Variants in HGF observed in about 807,000 individuals in gnomAD.
HGF encodes the protein hepatocyte growth factor.
Under a neutral mutation model 111.6 loss-of-function variants are expected in HGF, and 39 were observed. That is an observed-to-expected ratio of 0.35 (90% CI 0.27 to 0.46). HGF has a LOEUF of 0.46. Among genes scored for constraint, HGF ranks in the 20% least tolerant of loss-of-function variants. The pLI, the probability that HGF is intolerant of heterozygous loss-of-function variation, is 1.00. For missense variants in HGF, 735 were observed against 910.5 expected (o/e 0.81, Z 2.48); for synonymous variants, 285 against 294.8 (o/e 0.97, Z 0.34).
intron 13 of HGF, 43 bp downstream of exon 13, chr7:81,710,104 T>C (rs1230393143): frequency 7.7e-7 from 1 of 1,293,484 alleles, no homozygotes. Context: ...GACTCTCTTG[T>C]ACATATTCTG....
At chr7:81,734,910 T>C (rs1192850563) in intron 7 of HGF, among the ~76,000 whole-genome samples, 1 of 152,116 alleles carries the variant, frequency 6.6e-6, no homozygotes, top group Non-Finnish European at 1.5e-5. Context: ...TCCCTATAGC[T>C]AAGAATAAGT....
chr7:81,707,165 A>G (rs377315133), intron 14 of HGF, 125 bp downstream of exon 14: 1 of 667,586 alleles, frequency 1.5e-6, no homozygotes, highest in Admixed American at 2.5e-5. Context: ...TCTAAAAATG[A>G]AATAATTTGT....
intron 5 of HGF, chr7:81,751,552 A>G (rs1788500522): frequency 1.0e-6 from 1 of 989,150 alleles, no homozygotes; most frequent in East Asian, 1.1e-4. Flanking sequence ...ATCTCTTCAG[A>G]TCCTATTCTG....
At chr7:81,703,456 T>C (rs2115747605) in intron 17 of HGF, among the ~76,000 whole-genome samples, 1 of 151,118 alleles carries the variant, frequency 6.6e-6, no homozygotes, top group East Asian at 1.9e-4. Context: ...ATTTCTTATA[T>C]GGTAAGCCTG....
intron 11 of HGF, among the ~76,000 whole-genome samples, chr7:81,715,194 G>C (rs1789677041): frequency 6.6e-6 from 1 of 152,046 alleles, no homozygotes; most frequent in Non-Finnish European, 1.5e-5. Context: ...GAAATCTGTA[G>C]AGGAAGCAAA....
intron 2 of HGF, among the ~76,000 whole-genome samples, chr7:81,759,249 A>G (rs1484714486): frequency 6.6e-6 from 1 of 152,202 alleles, no homozygotes; most frequent in Non-Finnish European, 1.5e-5. Flanking sequence ...CTGAGATATC[A>G]GGAGTAATTT....
intron 5 of HGF, chr7:81,751,637 G>C: frequency 2.0e-6 from 2 of 996,818 alleles, no homozygotes; most frequent in Non-Finnish European, 2.4e-6. Context: ...ATGGGGTCAA[G>C]CTTCCAGTGA....
chr7:81,729,789 A>G lies in HGF; in HGVS notation c.866-10T>C. The G allele has an allele frequency of 6.6e-7, 1 of 1,519,260 alleles. No individual in the cohort carries two copies. The highest frequency in any genetic ancestry group is 8.7e-7 in the Non-Finnish European group (1 of 1,145,214). 94.1% of individuals were successfully genotyped at this position (1,519,260 alleles called of 1,614,324 possible). ...TTCATAGTATTGTCAGCTATTGGCA[A>G]AAAACAACAACAAAAAAAAACTTAT... On this transcript the variant is annotated splice_polypyrimidine_tract_variant and intron_variant, in intron 7 of 17. Coordinates refer to ENST00000222390, the MANE Select transcript of HGF (RefSeq NM_000601.6).
chr7:81,767,002 C>A (rs1789389117), intron 1 of HGF, among the ~76,000 whole-genome samples: 1 of 152,140 alleles, frequency 6.6e-6, no homozygotes, highest in South Asian at 2.1e-4. Context: ...CCTTCAGTTG[C>A]TGTGTGGGGT....
At chr7:81,761,241 A>G (rs186821730) in intron 2 of HGF, among the ~76,000 whole-genome samples, 208 of 152,312 alleles carry the variant, frequency 1.4e-3, no homozygotes, top group Non-Finnish European at 1.8e-3. Context: ...GTCAGGGAAT[A>G]AAACAGAATT....
chr7:81,745,180 T>G, intron 5 of HGF, 60 bp from the exon 6 acceptor site: 1 of 1,582,762 alleles, frequency 6.3e-7, no homozygotes. Context: ...AAAACACCAC[T>G]GTTGCATTTA....
chr7:81,762,310 GAAGTA>G (rs1324043774), intron 2 of HGF, among the ~76,000 whole-genome samples: 2 of 152,122 alleles, frequency 1.3e-5, no homozygotes, highest in Non-Finnish European at 2.9e-5. Flanking sequence ...TAATAAAGAT[GAAGTA>G]AATTTTGGCT....
At chr7:81,709,678 A>G (rs907909655) in intron 13 of HGF, among the ~76,000 whole-genome samples, 2 of 152,168 alleles carry the variant, frequency 1.3e-5, no homozygotes, top group Admixed American at 1.3e-4. Flanking sequence ...AATGCTCTAG[A>G]ATTTAAAATT....
intron 10 of HGF, 106 bp downstream of exon 10, chr7:81,720,639 A>AC (rs1175386334): frequency 1.4e-6 from 1 of 724,930 alleles, no homozygotes; most frequent in Non-Finnish European, 2.5e-6. Context: ...TTATTAGCTT[A>AC]CCATGATATA....
chr7:81,727,182 A>G (rs202059613), intron 8 of HGF, among the ~76,000 whole-genome samples: 1 of 148,610 alleles, frequency 6.7e-6, no homozygotes, highest in South Asian at 2.1e-4. Context: ...CTGGGATTAC[A>G]GGTGCCTGCC....
intron 15 of HGF, 79 bp downstream of exon 15, chr7:81,706,208 G>T (rs1251515567): frequency 1.6e-6 from 2 of 1,271,228 alleles, no homozygotes; most frequent in South Asian, 1.2e-5. Context: ...GAGAGAGAAC[G>T]AACTGCCACA....
At position 81,717,382 on chromosome 7, in the gene HGF, C is replaced by G. The variant is rs201944034; in HGVS notation, c.1272-17G>C. Reference sequence around the variant, plus strand: ...AAGATATGACTGTGGAAACAACAGGCCTTGCACATCACAAGATGCTCATTC... The same window carrying G: ...AAGATATGACTGTGGAAACAACAGGGCTTGCACATCACAAGATGCTCATTC... On this transcript the variant is annotated splice_polypyrimidine_tract_variant and intron_variant, in intron 10 of 17. Coordinates refer to ENST00000222390, the MANE Select transcript of HGF (RefSeq NM_000601.6). The G allele has an allele frequency of 1.5e-4, 246 of 1,610,404 alleles. No homozygotes were observed. Among genetic ancestry groups the G allele is most frequent in the African/African-American group, 6.7e-4 (50 of 74,966 alleles).
rs576578415 is a variant in HGF at position 81,742,417 on chromosome 7, G to T, written c.865+936C>A. ...AATTATATATTTTACTCTAGGTGCT[G>T]GTGCCTGATCTTATGTAGGTTATTT... is the stretch of plus-strand genomic sequence containing the variant. On this transcript the variant is annotated intron_variant, in intron 7 of 17. Coordinates refer to ENST00000222390, the MANE Select transcript of HGF (RefSeq NM_000601.6). 1.8e-3 allele frequency among the ~76,000 whole-genome samples: 274 copies of T among 152,164 alleles called. 1 individual carries two copies. Among genetic ancestry groups the T allele is most frequent in the Non-Finnish European group, 2.7e-3 (186 of 67,998 alleles).
intron 7 of HGF, among the ~76,000 whole-genome samples, chr7:81,741,976 C>CACATACAT (rs1055409352): frequency 1.4e-5 from 2 of 141,230 alleles, no homozygotes; most frequent in African/African-American, 5.2e-5. Context: ...ACCTAAACCA[C>CACATACAT]ACATACATAC....
Sources: gnomAD v4.1 joint callset for allele counts (sites outside exome capture counted in the v4.1 genomes callset) on GRCh38, gnomAD v4.1.1 for gene constraint, MANE v1.5 for transcripts, NCBI Gene and HGNC (gene_info 2026-07-23, HGNC 2026-07-21) for gene names.